Variants in PCDHA1 observed in about 807,000 individuals in gnomAD.
PCDHA1 encodes protocadherin alpha-1.
PCDHA1 carries 42 observed loss-of-function variants against 61.3 expected under a neutral mutation model. That is an observed-to-expected ratio of 0.69 (90% CI 0.54 to 0.89). PCDHA1 has a LOEUF of 0.89. Among genes scored for constraint, PCDHA1 ranks in the 40% least tolerant of loss-of-function variants. PCDHA1 has a pLI of 0.00. For missense variants in PCDHA1, 1,256 were observed against 1,235.3 expected (o/e 1.02, Z -0.25); for synonymous variants, 610 against 553.8 (o/e 1.10, Z -1.43).
At chr5:140,932,688 TA>T (rs1214634464) in intron 1 of PCDHA1, among the ~76,000 whole-genome samples, 4 of 151,810 alleles carry the variant, frequency 2.6e-5, no homozygotes, top group African/African-American at 9.7e-5. Flanking sequence ...ATATTCAAAT[TA>T]AAAAACTCAT....
At chr5:140,807,792 G>A (rs1554124276) in intron 1 of PCDHA1, 1 of 1,614,178 alleles carries the variant, frequency 6.2e-7, no homozygotes, top group Admixed American at 1.7e-5. Context: ...TCTTTAGACA[G>A]AGAAGAAGCT....
chr5:140,848,093 T>G, intron 1 of PCDHA1: 1 of 167,516 alleles, frequency 6.0e-6, no homozygotes, highest in South Asian at 1.6e-4. Context: ...AAGTGGAGAG[T>G]TTTCTCAGGG....
chr5:140,834,722 G>T (rs1773225539), intron 1 of PCDHA1: 1 of 1,614,146 alleles, frequency 6.2e-7, no homozygotes, highest in Non-Finnish European at 8.5e-7. Context: ...TGGAAAGGCC[G>T]CTGCAGGTTT....
chr5:140,834,112 T>C, intron 1 of PCDHA1: 1 of 411,244 alleles, frequency 2.4e-6, no homozygotes. Flanking sequence ...AATTCAGAGT[T>C]TGAAATAAAA....
intron 1 of PCDHA1, among the ~76,000 whole-genome samples, chr5:140,941,207 C>CTTCCTTTCTT (rs1563185091): frequency 3.9e-5 from 4 of 103,272 alleles, no homozygotes; most frequent in African/African-American, 1.7e-4. Context: ...TTCTTCCTTT[C>CTTCCTTTCTT]TTTCTTCCTT....
intron 1 of PCDHA1, among the ~76,000 whole-genome samples, chr5:140,910,641 C>G (rs1270893523): frequency 6.6e-6 from 1 of 152,206 alleles, no homozygotes; most frequent in Non-Finnish European, 1.5e-5. Context: ...CTCCCTAAAC[C>G]TTTTGATCCC....
chr5:140,836,539 C>T (rs782621405), intron 1 of PCDHA1: 2 of 1,613,800 alleles, frequency 1.2e-6, no homozygotes, highest in South Asian at 1.1e-5. Flanking sequence ...CTGCTGTACA[C>T]GGCGTTGCGG....
intron 1 of PCDHA1, among the ~76,000 whole-genome samples, chr5:140,924,900 AAAAAATAAAAT>A (rs2082119593): frequency 1.6e-5 from 1 of 63,328 alleles, no homozygotes; most frequent in African/African-American, 5.4e-5. Context: ...GTCTCAAAAA[AAAAAATAAAAT>A]AAAATAAAAT....
intron 1 of PCDHA1, chr5:140,870,427 G>C: frequency 6.2e-7 from 1 of 1,614,220 alleles, no homozygotes; most frequent in Non-Finnish European, 8.5e-7. Context: ...CAGGGTATCC[G>C]TGGAGGTGGC....
intron 1 of PCDHA1, chr5:140,869,167 G>T (rs782094054): frequency 1.2e-6 from 2 of 1,613,864 alleles, no homozygotes; most frequent in East Asian, 4.5e-5. Flanking sequence ...TCTCCTCCTC[G>T]AATTCTGGGA....
chr5:141,000,395 C>CTCTATA (rs1213762225), intron 3 of PCDHA1, among the ~76,000 whole-genome samples: 3 of 53,980 alleles, frequency 5.6e-5, no homozygotes, highest in East Asian at 6.1e-4. Flanking sequence ...CTCTCTCTCT[C>CTCTATA]TATATATATA....
chr5:140,845,775 A>G (rs1469360011), intron 1 of PCDHA1, among the ~76,000 whole-genome samples: 1 of 149,718 alleles, frequency 6.7e-6, no homozygotes, highest in Non-Finnish European at 1.5e-5. Context: ...ATAGTTATAA[A>G]TTATTAATAA....
chr5:140,945,927 G>A (rs1036727708), intron 1 of PCDHA1, among the ~76,000 whole-genome samples: 1 of 152,038 alleles, frequency 6.6e-6, no homozygotes, highest in East Asian at 1.9e-4. Flanking sequence ...ACTGATCTGA[G>A]CAATGATGTT....
At chr5:140,942,260 T>TA (rs2093256424) in intron 1 of PCDHA1, among the ~76,000 whole-genome samples, 1 of 152,086 alleles carries the variant, frequency 6.6e-6, no homozygotes, top group African/African-American at 2.4e-5. Flanking sequence ...AAAAGATATC[T>TA]AAAGCTGGTA....
chr5:140,806,824 C>A (rs1020987259), intron 1 of PCDHA1: 3 of 232,678 alleles, frequency 1.3e-5, no homozygotes, highest in Middle Eastern at 4.6e-4. Context: ...GCCCCTATGG[C>A]GAAACTAAGG....
intron 1 of PCDHA1, chr5:140,865,080 G>A (rs1166926722): frequency 6.6e-6 from 1 of 152,010 alleles, no homozygotes; most frequent in Non-Finnish European, 1.5e-5. Context: ...AAGAACCATG[G>A]GATATTAATA....
At chr5:140,830,105 A>G in intron 1 of PCDHA1, 1 of 1,613,218 alleles carries the variant, frequency 6.2e-7, no homozygotes, top group African/African-American at 1.3e-5. Context: ...GCTGGTGGAG[A>G]GTGGCCAGGC....
Position 141,009,922 on chromosome 5 carries a change from C to G in PCDHA1, c.2838C>G (p.Asp946Glu), listed in dbSNP as rs1554262572. 6.2e-7 allele frequency: 1 copy of G among 1,608,774 alleles called. No individual in the cohort carries two copies. Among genetic ancestry groups the G allele is most frequent in the South Asian group, 1.1e-5 (1 of 90,050 alleles). The change falls in exon 4 of 4, where the codon GAC becomes GAG. Residue 946 changes from aspartate to glutamate, a missense_variant. Coordinates refer to ENST00000504120, the MANE Select transcript of PCDHA1 (RefSeq NM_018900.4). ...AAGAGAAAGGGAACAGCACGACTGACAACAGTGACCAGTGAGGTCCTCAAA... is the reference window on the plus strand; with the variant it reads ...AAGAGAAAGGGAACAGCACGACTGAGAACAGTGACCAGTGAGGTCCTCAAA... ...EKKEKGNSTT[D>E]NSDQ
chr5:140,917,151 G>A (rs974449842), intron 1 of PCDHA1, among the ~76,000 whole-genome samples: 1 of 152,160 alleles, frequency 6.6e-6, no homozygotes, highest in Non-Finnish European at 1.5e-5. Flanking sequence ...TGCTGCTGGG[G>A]GATATGGGAG....
Sources: allele counts gnomAD v4.1 joint callset (sites outside exome capture counted in the v4.1 genomes callset), GRCh38; gene constraint gnomAD v4.1.1; transcripts MANE v1.5; gene names NCBI Gene and HGNC (gene_info 2026-07-23, HGNC 2026-07-21).